The following TSR1 variants were observed in gnomAD, a reference collection of about 807,000 sequenced individuals.
The protein encoded by TSR1 is pre-rRNA-processing protein TSR1 homolog.
In TSR1, 81 loss-of-function variants were observed where a neutral mutation model predicts 90.9. That is an observed-to-expected ratio of 0.89 (90% confidence interval 0.74 to 1.07). The LOEUF (loss-of-function observed/expected upper bound fraction) is 1.07. Among genes scored for constraint, TSR1 ranks in the 50% least tolerant of loss-of-function variants. The pLI, the probability that TSR1 is intolerant of heterozygous loss-of-function variation, is 0.00. For missense variants in TSR1, 989 were observed against 987.3 expected (o/e 1.00, Z -0.02); for synonymous variants, 362 against 348.8 (o/e 1.04, Z -0.42).
rs756190605 is a variant in TSR1, at chr17:2,334,561, G to A, written c.892C>T (p.Gln298Ter). 5 of 1,614,002 alleles carry A rather than the reference G, an allele frequency of 3.1e-6. No individual in the cohort carries two copies. Among genetic ancestry groups the A allele is most frequent in the Non-Finnish European group, 4.2e-6 (5 of 1,180,024 alleles). ...LLHIVGYGDF[Q>*]MKQIDAPGDP... ...CCGGGGGCATCTATCTGTTTCATCT[G>A]GAAATCACCATATCCAACGATATGC... Residue 298 changes from glutamine to a stop codon, truncating the protein, a stop_gained, in exon 5 of 15, where the codon CAG (glutamine) becomes TAG (stop). Coordinates refer to ENST00000301364, the MANE Select transcript of TSR1 (RefSeq NM_018128.5). LOFTEE classifies it high-confidence loss of function.
Position 2,335,756 on chromosome 17 carries a change from C to T in TSR1, c.202-26G>A. Reference sequence around the variant, plus strand: ...CTGAAAATAGAAAGATATCCGAGAACATCTCAGTGTCTCAGTACTTCACTC... The same window carrying T: ...CTGAAAATAGAAAGATATCCGAGAATATCTCAGTGTCTCAGTACTTCACTC... On this transcript the variant is annotated intron_variant, in intron 2 of 14. Coordinates refer to ENST00000301364, the MANE Select transcript of TSR1 (RefSeq NM_018128.5). 1.9e-6 allele frequency: 3 copies of T among 1,604,682 alleles called. No individual in the cohort carries two copies. In the East Asian group the frequency reaches 6.7e-5, roughly 36 times the overall value.
At position 2,334,481 on chromosome 17, in the gene TSR1, C is replaced by T. The variant is rs748274796; in HGVS notation, c.972G>A (p.Met324Ile). Residue 324 changes from methionine to isoleucine, a missense_variant, in exon 5 of 15, where the codon ATG (methionine) becomes ATA (isoleucine). Coordinates refer to ENST00000301364, the MANE Select transcript of TSR1 (RefSeq NM_018128.5). ...RGIKPQKDPD[M>I]AMEICATDAV... ...AGAATATCAGTCTTACCTCCATTGC[C>T]ATGTCTGGGTCCTTTTGGGGTTTAA... 2 of 1,612,544 alleles carry T rather than the reference C, an allele frequency of 1.2e-6. No individual in the cohort carries two copies. The highest frequency in any genetic ancestry group is 2.2e-5 in the East Asian group (1 of 44,854).
chr17:2,326,014 C>A (rs2075574385), intron 11 of TSR1, among the ~76,000 whole-genome samples: 1 of 152,186 alleles, frequency 6.6e-6, no homozygotes, highest in Non-Finnish European at 1.5e-5. Flanking sequence ...GCAACCTCCA[C>A]CTCCCAGGTT....
chr17:2,334,010 T>C (rs1006100610), intron 5 of TSR1, among the ~76,000 whole-genome samples: 1 of 152,172 alleles, frequency 6.6e-6, no homozygotes, highest in Non-Finnish European at 1.5e-5. Flanking sequence ...GATCCACCAC[T>C]GTGCCTAGGT....
At chr17:2,326,621 T>C (rs1247898487) in intron 11 of TSR1, among the ~76,000 whole-genome samples, 1 of 151,996 alleles carries the variant, frequency 6.6e-6, no homozygotes, top group Non-Finnish European at 1.5e-5. Flanking sequence ...CTACCTTCAA[T>C]GTAGCCCTCA....
chr17:2,336,310 C>T (rs1368043736), intron 1 of TSR1, 21 bp downstream of exon 1: 1 of 1,614,092 alleles, frequency 6.2e-7, no homozygotes, highest in East Asian at 2.2e-5. Context: ...AGCCCTTATT[C>T]CTTCTACGTT....
Position 2,323,578 on chromosome 17 carries a change from G to A in TSR1, c.*618C>T, listed in dbSNP as rs570963841. 74 of 1,449,236 alleles carry A rather than the reference G, an allele frequency of 5.1e-5. 1 individual carries two copies. The South Asian group carries it at 6.8e-4, about 13-fold the overall frequency. The allele number at this position is 1,449,236 out of a possible 1,614,324, so 89.8% of individuals were successfully genotyped here. A position where few individuals can be genotyped will look rare whatever the true frequency, so the allele number is the denominator to read the frequency against. On this transcript the variant is annotated 3_prime_UTR_variant, in exon 15 of 15. Coordinates refer to ENST00000301364, the MANE Select transcript of TSR1 (RefSeq NM_018128.5). ...TGATAAGAAAATTCAAACTGGACAC[G>A]TATTCTCATCTGAACTTTATAGGTA...
chr17:2,325,379 C>T lies in TSR1; in HGVS notation c.1945G>A (p.Ala649Thr), dbSNP rs2075569981. The change falls in exon 12 of 15, where the codon GCC (alanine) becomes ACC (threonine). Residue 649 changes from alanine to threonine, a missense_variant. By Grantham distance (58) the Ala-to-Thr change is moderately conservative. Coordinates refer to ENST00000301364, the MANE Select transcript of TSR1 (RefSeq NM_018128.5). ...GGCGCATAGACTGTCGCCACCAGGG[C>T]CATGTCAGCAGTCAGGAATCTCTGC... ...KLQRFLTADMALVATVYAPIT... is the reference protein window; with the variant it reads ...KLQRFLTADMTLVATVYAPIT... 1 of 1,613,268 alleles carries T rather than the reference C, an allele frequency of 6.2e-7. No individual in the cohort carries two copies. Among genetic ancestry groups the T allele is most frequent in the South Asian group, 1.1e-5 (1 of 90,860 alleles).
In TSR1 at chr17:2,333,020, CT is replaced by C; in HGVS notation, c.1245del (p.Gly416GlufsTer33). On this transcript the variant is annotated frameshift_variant, in exon 7 of 15. Transcript: ENST00000301364. LOFTEE classifies it high-confidence loss of function. ...ILDGGSQSGG[E>X]GDEYEYDDME... is the part of the protein sequence containing the mutation. The stretch of plus-strand genomic sequence containing the variant: ...ATATCATCATATTCATATTCATCTC[CT>C]TCCCCACCACTTTGGCTGCCACCAT... The C allele has an allele frequency of 6.2e-7, 1 of 1,614,136 alleles. No individual in the cohort carries two copies. Among genetic ancestry groups the C allele is most frequent in the African/African-American group, 1.3e-5 (1 of 75,028 alleles).
In TSR1 at chr17:2,324,170, G is replaced by A. The variant is rs371305424; in HGVS notation, c.*26C>T. 27 of 1,512,466 alleles carry A rather than the reference G, an allele frequency of 1.8e-5. No homozygotes were observed. The highest frequency in any genetic ancestry group is 1.3e-4 in the African/African-American group (9 of 71,598). The allele number at this position is 1,512,466 out of a possible 1,614,324, so 93.7% of individuals were successfully genotyped here. ...CATCCCTGGAGTACTGACTGGCACC[G>A]GTAAGACAGAATCTCTTTGAATCCA... On this transcript the variant is annotated 3_prime_UTR_variant, in exon 15 of 15. Transcript: ENST00000301364.
rs778422804 is a variant in TSR1 at position 2,325,343 on chromosome 17, G to A, written c.1981C>T (p.Pro661Ser). The change falls in exon 12 of 15, where the codon CCT (proline) becomes TCT (serine). Residue 661 changes from proline (P) to serine (S), a missense_variant. Coordinates refer to ENST00000301364, the MANE Select transcript of TSR1 (RefSeq NM_018128.5). ...TTGAAAAGCAGCACAGATGCAGGAG[G>A]AAAAGTGATTGGCGCATAGACTGTC... Reference protein sequence around the residue: ...VATVYAPITFPPASVLLFKQK... With the variant: ...VATVYAPITFSPASVLLFKQK... 1.2e-6 allele frequency: 2 copies of A among 1,613,476 alleles called. No individual in the cohort carries two copies. Among genetic ancestry groups the A allele is most frequent in the Non-Finnish European group, 1.7e-6 (2 of 1,179,922 alleles).
At chr17:2,330,468 C>T (rs368167430) in intron 10 of TSR1, 47 bp downstream of exon 10, 2 of 1,554,634 alleles carry the variant, frequency 1.3e-6, no homozygotes, top group African/African-American at 1.4e-5. Context: ...TCAGAAGCAG[C>T]TGGAAAGTTT....
intron 10 of TSR1, among the ~76,000 whole-genome samples, chr17:2,329,970 A>G (rs2075595543): frequency 6.6e-6 from 1 of 151,524 alleles, no homozygotes; most frequent in Admixed American, 6.6e-5. Context: ...CCCAGGCTGG[A>G]GTGCAATGGT....
At chr17:2,325,800 A>T (rs2075573241) in intron 11 of TSR1, among the ~76,000 whole-genome samples, 1 of 151,826 alleles carries the variant, frequency 6.6e-6, no homozygotes, top group African/African-American at 2.4e-5. Flanking sequence ...TTTAGTAGAG[A>T]CCGGGTTTCA....
In TSR1 at chr17:2,323,785, T is replaced by C; in HGVS notation, c.*411A>G. On this transcript the variant is annotated 3_prime_UTR_variant, in exon 15 of 15. Transcript: ENST00000301364. The stretch of plus-strand genomic sequence containing the variant: ...GAAGTAAAGAACATTTGTATTGTGC[T>C]CAGTGGTGGAAATGTAGACTTAACC... 6.2e-7 allele frequency: 1 copy of C among 1,614,214 alleles called. No homozygotes were observed. The highest frequency in any genetic ancestry group is 8.5e-7 in the Non-Finnish European group (1 of 1,180,036).
At chr17:2,332,916 A>G (rs1244304514) in intron 7 of TSR1, 45 bp downstream of exon 7, 5 of 1,588,714 alleles carry the variant, frequency 3.1e-6, no homozygotes, top group Non-Finnish European at 4.3e-6. Context: ...TTTGCCTTAC[A>G]TTTGGAGCTA....
In TSR1 at chr17:2,330,878, G is replaced by A; in HGVS notation, c.1659+69C>T. ...AATGCAGCATATTTTCATGCCAAGAGAAGGAATAAAGTAGGGAGCATGTTG... is the reference window on the plus strand; with the variant it reads ...AATGCAGCATATTTTCATGCCAAGAAAAGGAATAAAGTAGGGAGCATGTTG... On this transcript the variant is annotated intron_variant, in intron 9 of 14. Transcript: ENST00000301364. 17 of 1,505,294 alleles carry A rather than the reference G, an allele frequency of 1.1e-5. No homozygotes were observed. The South Asian group carries it at 2.2e-4, about 19-fold the overall frequency. 93.2% of individuals were successfully genotyped at this position (1,505,294 alleles called of 1,614,324 possible).
In TSR1 at chr17:2,323,173, C is replaced by A; in HGVS notation, c.*1023G>T. 6.2e-7 allele frequency: 1 copy of A among 1,614,180 alleles called. No homozygotes were observed. Among genetic ancestry groups the A allele is most frequent in the Non-Finnish European group, 8.5e-7 (1 of 1,180,036 alleles). ...AGTGTGAAGGTATATGCTGCTGAACCCTCAAATGCAGATGACTGCTACCAG... is the reference window on the plus strand; with the variant it reads ...AGTGTGAAGGTATATGCTGCTGAACACTCAAATGCAGATGACTGCTACCAG... On this transcript the variant is annotated 3_prime_UTR_variant, in exon 15 of 15. Coordinates refer to ENST00000301364, the MANE Select transcript of TSR1 (RefSeq NM_018128.5).
In TSR1 at chr17:2,332,290, A is replaced by G; in HGVS notation, c.1375T>C (p.Tyr459His). The G allele has an allele frequency of 6.2e-7, 1 of 1,614,012 alleles. No homozygotes were observed. The highest frequency in any genetic ancestry group is 1.6e-4 in the Middle Eastern group (1 of 6,062). ...TIGESVHDDL[Y>H]DKKVDEEAEA... ...GCTTCTTCATCTACTTTCTTATCAT[A>G]CAGATCATCATGCACAGACTCCCCA... Residue 459 changes from tyrosine (Y) to histidine (H), a missense_variant, in exon 8 of 15, where the codon TAT (tyrosine) becomes CAT (histidine). Transcript: ENST00000301364.
Sources: allele counts gnomAD v4.1 joint callset (sites outside exome capture counted in the v4.1 genomes callset), GRCh38; gene constraint gnomAD v4.1.1; transcripts MANE v1.5; gene names NCBI Gene and HGNC (gene_info 2026-07-23, HGNC 2026-07-21).